Variants in CSMD1 observed in about 807,000 individuals in gnomAD.
The protein encoded by CSMD1 is CUB and Sushi multiple domains 1, also known as CUB and sushi domain-containing protein 1.
Under a neutral mutation model 417.5 loss-of-function variants are expected in CSMD1, and 213 were observed. The observed-to-expected ratio is 0.51, with a 90% confidence interval of 0.46 to 0.57. The LOEUF is 0.57. Ranked by LOEUF, CSMD1 falls within the 20% of genes least tolerant of loss-of-function variation. The pLI is 0.00. For missense variants in CSMD1, 6,923 were observed against 4,529.7 expected, an observed-to-expected ratio of 1.53 and a Z score of -15.17; for synonymous variants, 2,862 against 1,736.8, an observed-to-expected ratio of 1.65 and a Z score of -16.11.
At chr8:4,329,807 T>A (rs571344479) in intron 3 of CSMD1, among the ~76,000 whole-genome samples, 1 of 151,716 alleles carries the variant, frequency 6.6e-6, no homozygotes, top group Non-Finnish European at 1.5e-5. Flanking sequence ...CAAGTTCTCA[T>A]GAGATGTGGT....
intron 33 of CSMD1, among the ~76,000 whole-genome samples, chr8:3,193,511 C>G (rs544986738): frequency 6.6e-6 from 1 of 152,154 alleles, no homozygotes; most frequent in Non-Finnish European, 1.5e-5. Context: ...TCATCCTCCC[C>G]GCCCGTCCTC....
At chr8:4,209,116 T>C (rs1800152926) in intron 3 of CSMD1, among the ~76,000 whole-genome samples, 2 of 152,216 alleles carry the variant, frequency 1.3e-5, no homozygotes, top group Admixed American at 1.3e-4. Context: ...TTTACAGTGT[T>C]AACACATCTT....
chr8:3,271,200 T>C (rs1428936465), intron 26 of CSMD1, among the ~76,000 whole-genome samples: 2 of 151,704 alleles, frequency 1.3e-5, no homozygotes, highest in Admixed American at 1.3e-4. Context: ...GTTCTTGCGA[T>C]AGTTTACTGA....
At chr8:3,589,033 C>A (rs1003123783) in intron 8 of CSMD1, among the ~76,000 whole-genome samples, 8 of 152,074 alleles carry the variant, frequency 5.3e-5, no homozygotes, top group African/African-American at 1.9e-4. Flanking sequence ...AGTGAGATAT[C>A]AACTCACACC....
chr8:4,357,837 G>T (rs1410517827), intron 3 of CSMD1, among the ~76,000 whole-genome samples: 1 of 152,106 alleles, frequency 6.6e-6, no homozygotes, highest in African/African-American at 2.4e-5. Flanking sequence ...ATTTAAAAGT[G>T]TGAGTAATAT....
intron 5 of CSMD1, among the ~76,000 whole-genome samples, chr8:3,853,692 G>T (rs1258028311): frequency 6.6e-6 from 1 of 151,752 alleles, no homozygotes; most frequent in Non-Finnish European, 1.5e-5. Flanking sequence ...GTGTGCAGTT[G>T]GATAAGCCTC....
intron 10 of CSMD1, among the ~76,000 whole-genome samples, chr8:3,572,510 T>G (rs1799987182): frequency 1.3e-5 from 2 of 152,200 alleles, no homozygotes; most frequent in African/African-American, 4.8e-5. Flanking sequence ...CTTTTAAAAT[T>G]TGTGATAGAT....
At chr8:3,833,778 G>A (rs888614457) in intron 5 of CSMD1, among the ~76,000 whole-genome samples, 52 of 151,812 alleles carry the variant, frequency 3.4e-4, no homozygotes, top group African/African-American at 1.2e-3. Flanking sequence ...CTCTTCTCTT[G>A]GTAAACTTGG....
chr8:4,525,618 A>G (rs1796473469), intron 2 of CSMD1, among the ~76,000 whole-genome samples: 1 of 152,144 alleles, frequency 6.6e-6, no homozygotes, highest in South Asian at 2.1e-4. Flanking sequence ...TTTGGTGCAA[A>G]AGTAATAGCG....
intron 3 of CSMD1, among the ~76,000 whole-genome samples, chr8:4,215,065 G>C (rs1800556337): frequency 1.3e-5 from 2 of 152,238 alleles, no homozygotes; most frequent in Middle Eastern, 3.4e-3. Flanking sequence ...GAAAGCCATG[G>C]AACCAACGAA....
chr8:3,566,368 A>C (rs1454255354), intron 10 of CSMD1, among the ~76,000 whole-genome samples: 2 of 152,168 alleles, frequency 1.3e-5, no homozygotes, highest in Admixed American at 1.3e-4. Context: ...AGGTGGATAG[A>C]GTTAATACAA....
At chr8:4,291,950 C>A (rs368421391) in intron 3 of CSMD1, among the ~76,000 whole-genome samples, 1 of 152,132 alleles carries the variant, frequency 6.6e-6, no homozygotes, top group Non-Finnish European at 1.5e-5. Context: ...AGGCAGGGAG[C>A]CTGGTGTCCA....
chr8:4,852,152 C>G (rs931278246), intron 1 of CSMD1, among the ~76,000 whole-genome samples: 2 of 152,128 alleles, frequency 1.3e-5, no homozygotes, highest in African/African-American at 4.8e-5. Context: ...TGTTTGTTTA[C>G]TCTAATCTAT....
Position 4,954,630 on chromosome 8 carries a change from T to C in CSMD1, c.85+39702A>G, listed in dbSNP as rs1217978866. ...AAGGATATACTATAAAATAAAATCCTACCAAAAGCAAATACCCAATGTGTA... is the reference window on the plus strand; with the variant it reads ...AAGGATATACTATAAAATAAAATCCCACCAAAAGCAAATACCCAATGTGTA... On this transcript the variant is annotated intron_variant, in intron 1 of 69. Coordinates refer to ENST00000635120, the MANE Select transcript of CSMD1 (RefSeq NM_033225.6). Among the ~76,000 whole-genome samples the C allele has an allele frequency of 5.3e-5, 8 of 152,326 alleles. No individual in the cohort carries two copies. The East Asian group carries it at 1.5e-3, about 29-fold the overall frequency.
intron 26 of CSMD1, among the ~76,000 whole-genome samples, chr8:3,243,347 C>T (rs193131005): frequency 6.6e-6 from 1 of 152,152 alleles, no homozygotes; most frequent in Admixed American, 6.5e-5. Flanking sequence ...GAAGACACCA[C>T]CAAACAGGCT....
At chr8:3,481,747 C>G (rs1269825014) in intron 11 of CSMD1, among the ~76,000 whole-genome samples, 1 of 152,152 alleles carries the variant, frequency 6.6e-6, no homozygotes, top group Non-Finnish European at 1.5e-5. Flanking sequence ...GATGTGGCCA[C>G]AAGCCAAGGA....
chr8:3,555,024 A>G (rs1799082963), intron 10 of CSMD1, among the ~76,000 whole-genome samples: 1 of 152,034 alleles, frequency 6.6e-6, no homozygotes, highest in African/African-American at 2.4e-5. Context: ...AGGGAAGAAG[A>G]CTGTGCGTGA....
At chr8:3,602,423 T>G (rs886912621) in intron 8 of CSMD1, among the ~76,000 whole-genome samples, 6 of 151,994 alleles carry the variant, frequency 3.9e-5, no homozygotes, top group African/African-American at 1.4e-4. Context: ...ATTAGAAAAA[T>G]TAGGGAGCAG....
intron 5 of CSMD1, among the ~76,000 whole-genome samples, chr8:3,969,213 G>A (rs1174313633): frequency 6.6e-6 from 1 of 152,150 alleles, no homozygotes; most frequent in East Asian, 1.9e-4. Context: ...TCGTGACACT[G>A]CACTCCAGCC....
Sources: gnomAD v4.1 joint callset for allele counts (sites outside exome capture counted in the v4.1 genomes callset) on GRCh38, gnomAD v4.1.1 for gene constraint, MANE v1.5 for transcripts, NCBI Gene and HGNC (gene_info 2026-07-23, HGNC 2026-07-21) for gene names.